The following MGAT5 variants were observed in gnomAD, a reference collection of about 807,000 sequenced individuals.
MGAT5 encodes the protein alpha-1,6-mannosylglycoprotein 6-beta-N-acetylglucosaminyltransferase A.
A neutral mutation model predicts 94.3 loss-of-function variants in MGAT5; 30 were observed. The observed-to-expected ratio is 0.32, with a 90% CI of 0.24 to 0.43. MGAT5 has a LOEUF of 0.43. Among genes scored for constraint, MGAT5 ranks in the 20% least tolerant of loss-of-function variants. MGAT5 has a pLI of 1.00. For missense variants in MGAT5, 691 were observed against 905.5 expected (o/e 0.76, Z 3.04); for synonymous variants, 310 against 322.9 (o/e 0.96, Z 0.43).
intron 1 of MGAT5, among the ~76,000 whole-genome samples, chr2:134,233,420 A>G (rs1023175650): frequency 1.3e-5 from 2 of 152,244 alleles, no homozygotes; most frequent in African/African-American, 4.8e-5. Flanking sequence ...ATCAAAACTG[A>G]TGGACAAGAT....
chr2:134,325,024 T>A (rs1258589639), intron 4 of MGAT5, among the ~76,000 whole-genome samples: 2 of 139,052 alleles, frequency 1.4e-5, no homozygotes. Flanking sequence ...AAAAAAAAAA[T>A]CCTGAGTTTA....
intron 1 of MGAT5, among the ~76,000 whole-genome samples, chr2:134,169,502 T>C (rs1348065185): frequency 2.0e-5 from 3 of 152,106 alleles, no homozygotes; most frequent in African/African-American, 4.8e-5. Flanking sequence ...ACAGCTGAGT[T>C]ATAATTAAGA....
At chr2:134,183,162 C>T (rs1313673255) in intron 1 of MGAT5, among the ~76,000 whole-genome samples, 1 of 152,126 alleles carries the variant, frequency 6.6e-6, no homozygotes, top group Non-Finnish European at 1.5e-5. Flanking sequence ...CCAAATGTGG[C>T]AATTAAACAA....
chr2:134,121,192 G>C (rs565164183), intron 1 of MGAT5, among the ~76,000 whole-genome samples: 10 of 152,172 alleles, frequency 6.6e-5, no homozygotes, highest in African/African-American at 2.4e-4. Flanking sequence ...TGCTCTCCCC[G>C]GCTGCCCTCA....
chr2:134,442,018 G>C lies in MGAT5; in HGVS notation c.2027+103G>C, dbSNP rs1020647432. Reference sequence around the variant, plus strand: ...CAGGTTTCCTCTTCCAAGCTACTGGGCTGTGGGGATAAGGTGTGGGAGGGG... The same window carrying C: ...CAGGTTTCCTCTTCCAAGCTACTGGCCTGTGGGGATAAGGTGTGGGAGGGG... On this transcript the variant is annotated intron_variant, in intron 15 of 15. Transcript: ENST00000281923. 3.0e-6 allele frequency: 4 copies of C among 1,331,990 alleles called. No individual in the cohort carries two copies. In the Admixed American group the frequency reaches 5.7e-5, roughly 19 times the overall value. The allele number at this position is 1,331,990 out of a possible 1,614,324, so 82.5% of individuals were successfully genotyped here.
chr2:134,167,774 C>T (rs1688027298), intron 1 of MGAT5, among the ~76,000 whole-genome samples: 1 of 152,144 alleles, frequency 6.6e-6, no homozygotes, highest in Non-Finnish European at 1.5e-5. Context: ...AAGTGGTCTC[C>T]CAGCATGGTT....
chr2:134,326,252 TCTTTTTG>T (rs998845875), intron 4 of MGAT5, among the ~76,000 whole-genome samples: 2 of 152,058 alleles, frequency 1.3e-5, no homozygotes, highest in African/African-American at 4.8e-5. Flanking sequence ...CAGCTTTTCT[TCTTTTTG>T]CTTGCTTGCT....
chr2:134,349,757 C>T, intron 8 of MGAT5, 48 bp from the exon 9 acceptor site: 2 of 1,601,786 alleles, frequency 1.2e-6, no homozygotes, highest in Non-Finnish European at 1.7e-6. Context: ...ACCTTTTCAA[C>T]TTTGGGGGCA....
chr2:134,351,413 C>T lies in MGAT5; in HGVS notation c.1246+1475C>T, dbSNP rs144281147. ...TAACTGTGTTCAAAGTGACTAAAAC[C>T]GCTGGGTGATATGGCAGGCGTGTGC... On this transcript the variant is annotated intron_variant, in intron 9 of 15. Transcript: ENST00000281923. Among the ~76,000 whole-genome samples the T allele has an allele frequency of 2.7e-3, 417 of 152,156 alleles. 3 individuals carry two copies. The highest frequency in any genetic ancestry group is 9.5e-3 in the African/African-American group (395 of 41,536).
At chr2:134,240,329 C>A (rs1172894321) in intron 1 of MGAT5, among the ~76,000 whole-genome samples, 1 of 150,358 alleles carries the variant, frequency 6.7e-6, no homozygotes, top group Non-Finnish European at 1.5e-5. Flanking sequence ...TTTGAGGGTG[C>A]CCTGAGCTTT....
chr2:134,152,516 C>T (rs1294928666), intron 1 of MGAT5, among the ~76,000 whole-genome samples: 1 of 152,260 alleles, frequency 6.6e-6, no homozygotes, highest in Non-Finnish European at 1.5e-5. Context: ...CATGGGACCT[C>T]AGTCACTCAC....
chr2:134,189,493 T>G (rs950819190), intron 1 of MGAT5, among the ~76,000 whole-genome samples: 11 of 151,976 alleles, frequency 7.2e-5, no homozygotes, highest in African/African-American at 2.4e-4. Context: ...TTGGGAGAAG[T>G]GGGCCCAGCT....
chr2:134,298,130 C>G (rs1309963082), intron 2 of MGAT5, among the ~76,000 whole-genome samples: 4 of 152,122 alleles, frequency 2.6e-5, no homozygotes, highest in Non-Finnish European at 4.4e-5. Context: ...GGATCTCACT[C>G]TGTCTCCCAG....
chr2:134,298,475 A>G (rs1007857430), intron 2 of MGAT5, among the ~76,000 whole-genome samples: 1 of 152,216 alleles, frequency 6.6e-6, no homozygotes, highest in Non-Finnish European at 1.5e-5. Flanking sequence ...ATTTCTTTTC[A>G]TAATAAGTTA....
intron 1 of MGAT5, among the ~76,000 whole-genome samples, chr2:134,179,094 C>T (rs1423432408): frequency 1.3e-5 from 2 of 152,196 alleles, no homozygotes; most frequent in Non-Finnish European, 2.9e-5. Context: ...TGCGGATGAA[C>T]AAGGCCTTCT....
intron 2 of MGAT5, among the ~76,000 whole-genome samples, chr2:134,296,032 C>T (rs917338006): frequency 6.6e-6 from 1 of 152,100 alleles, no homozygotes; most frequent in Non-Finnish European, 1.5e-5. Context: ...CTCATGCAAA[C>T]ATGTTTGTTC....
intron 9 of MGAT5, among the ~76,000 whole-genome samples, chr2:134,350,610 T>C (rs1359151581): frequency 6.6e-6 from 1 of 152,204 alleles, no homozygotes; most frequent in East Asian, 1.9e-4. Flanking sequence ...ATAGGATTAT[T>C]TTCCCACTTT....
At chr2:134,206,740 G>T (rs988894161) in intron 1 of MGAT5, among the ~76,000 whole-genome samples, 6 of 152,146 alleles carry the variant, frequency 3.9e-5, no homozygotes, top group Non-Finnish European at 8.8e-5. Context: ...AGAAGAGAAG[G>T]CAGTGTGACC....
chr2:134,237,759 T>G (rs558521331), intron 1 of MGAT5, among the ~76,000 whole-genome samples: 2 of 134,636 alleles, frequency 1.5e-5, no homozygotes, highest in South Asian at 2.5e-4. Flanking sequence ...TTTTTGTTTT[T>G]TTTTTTTTTG....
Sources: allele counts gnomAD v4.1 joint callset (sites outside exome capture counted in the v4.1 genomes callset), GRCh38; gene constraint gnomAD v4.1.1; transcripts MANE v1.5; gene names NCBI Gene and HGNC (gene_info 2026-07-23, HGNC 2026-07-21).